Variants in NOP14 observed in about 807,000 individuals in gnomAD.
NOP14 encodes the protein nucleolar protein 14.
In NOP14, 57 loss-of-function variants were observed where a neutral mutation model predicts 101.6. That is an observed-to-expected ratio of 0.56 (90% CI 0.45 to 0.70). The LOEUF is 0.70. NOP14 is among the 30% of genes least tolerant of loss of function. The pLI is 0.00. For missense variants in NOP14, 1,134 were observed against 1,075.5 expected (o/e 1.05, Z -0.76); for synonymous variants, 428 against 424.0 (o/e 1.01, Z -0.12).
chr4:2,950,242 T>C (rs1387562701), intron 7 of NOP14, 29 bp from the exon 8 acceptor site: 2 of 1,609,860 alleles, frequency 1.2e-6, no homozygotes, highest in African/African-American at 1.3e-5. Flanking sequence ...CCACAGGGCA[T>C]GAGGACAGGC....
chr4:2,950,831 G>C lies in NOP14; in HGVS notation c.1002+283C>G. The C allele has an allele frequency of 9.6e-6, 3 of 312,012 alleles. No homozygotes were observed. In the South Asian group the frequency reaches 1.6e-4, roughly 16 times the overall value. The allele number at this position is 312,012 out of a possible 1,614,324, so 19.3% of individuals were successfully genotyped here. ...AATCATACAGTTATTAACAAAAGTA[G>C]TTGATGTTAACCGAGTAATCAGTTT... On this transcript the variant is annotated intron_variant, in intron 7 of 17. Transcript: ENST00000416614.
At chr4:2,946,385 G>T in intron 11 of NOP14, 27 bp downstream of exon 11, 1 of 1,612,634 alleles carries the variant, frequency 6.2e-7, no homozygotes. Context: ...TGTGGCAGGG[G>T]CAGTGCCTAG....
chr4:2,953,630 G>C lies in NOP14; in HGVS notation c.628C>G (p.Gln210Glu). Reference sequence around the variant, plus strand: ...GTGAGCTCGAGGGCATCTTCTCGTTGAGCTTGTCTCTCCCTCTGGGGAAAA... The same window carrying C: ...GTGAGCTCGAGGGCATCTTCTCGTTCAGCTTGTCTCTCCCTCTGGGGAAAA... ...SKQEKRERQAQREDALELTEK... is the reference protein window; with the variant it reads ...SKQEKRERQAEREDALELTEK... The change falls in exon 5 of 18, where the codon CAA becomes GAA. Residue 210 changes from glutamine (Q) to glutamate (E), a missense_variant. By Grantham distance (29) the Gln-to-Glu change is conservative. Coordinates refer to ENST00000416614, the MANE Select transcript of NOP14 (RefSeq NM_001291978.2). 6.2e-7 allele frequency: 1 copy of C among 1,614,146 alleles called. No individual in the cohort carries two copies. Among genetic ancestry groups the C allele is most frequent in the Non-Finnish European group, 8.5e-7 (1 of 1,180,044 alleles).
Position 2,943,296 on chromosome 4 carries a change from C to G in NOP14, c.1891+777G>C, listed in dbSNP as rs192032702. On this transcript the variant is annotated intron_variant, in intron 13 of 17. Transcript: ENST00000416614. ...TCCTCAGGTCAGTCCCCTGGACATG[C>G]AGGCGCTTAGCACTGCACGGTGAGC... is the stretch of plus-strand genomic sequence containing the variant. 3.9e-5 allele frequency among the ~76,000 whole-genome samples: 6 copies of G among 152,342 alleles called. No individual in the cohort carries two copies. In the South Asian group the frequency reaches 1.2e-3, roughly 32 times the overall value.
intron 5 of NOP14, 70 bp downstream of exon 5, chr4:2,953,441 C>T (rs1715154701): frequency 6.4e-7 from 1 of 1,564,102 alleles, no homozygotes. Context: ...CAGCCCCAGC[C>T]CTTTCTCTGG....
At position 2,953,617 on chromosome 4, in the gene NOP14, G is replaced by A. The variant is rs1192686983; in HGVS notation, c.641C>T (p.Ala214Val). The A allele has an allele frequency of 6.2e-7, 1 of 1,614,012 alleles. No homozygotes were observed. The highest frequency in any genetic ancestry group is 2.2e-5 in the East Asian group (1 of 44,896). The change falls in exon 5 of 18, where the codon GCC (alanine) becomes GTC (valine). Residue 214 changes from alanine (A) to valine (V), a missense_variant. Coordinates refer to ENST00000416614, the MANE Select transcript of NOP14 (RefSeq NM_001291978.2). ...GTCTAGCTTCTCCGTGAGCTCGAGG[G>A]CATCTTCTCGTTGAGCTTGTCTCTC... Reference protein sequence around the residue: ...KRERQAQREDALELTEKLDQD... With the variant: ...KRERQAQREDVLELTEKLDQD...
rs776316844 is a variant in NOP14 at position 2,957,655 on chromosome 4, T to G, written c.281A>C (p.Asn94Thr). Residue 94 changes from asparagine to threonine, a missense_variant, in exon 2 of 18, where the codon AAC (asparagine) becomes ACC (threonine). Asn to Thr is a moderately conservative substitution (Grantham distance 65). Transcript: ENST00000416614. Reference protein sequence around the residue: ...RDKRFGEYNSNMSPEEKMMKR... With the variant: ...RDKRFGEYNSTMSPEEKMMKR... ...CATCATCTTCTCCTCGGGGCTCATG[T>G]TGCTGTTGTATTCTCCGAAGCGTTT... 2.5e-6 allele frequency: 4 copies of G among 1,614,220 alleles called. No homozygotes were observed. The highest frequency in any genetic ancestry group is 3.4e-6 in the Non-Finnish European group (4 of 1,180,032).
Position 2,963,234 on chromosome 4 carries a change from G to A in NOP14, c.86C>T (p.Ser29Phe). The A allele has an allele frequency of 6.3e-7, 1 of 1,587,380 alleles. No homozygotes were observed. The highest frequency in any genetic ancestry group is 2.4e-5 in the East Asian group (1 of 40,990). The change falls in exon 1 of 18, where the codon TCC becomes TTC. Residue 29 changes from serine (S) to phenylalanine (F), a missense_variant. Coordinates refer to ENST00000416614, the MANE Select transcript of NOP14 (RefSeq NM_001291978.2). ...GTTAACTTTCACCTCGAACGGATTG[G>A]AGTTGGCCTTCGCCGGGCCCCCTCG... ...GARGGPAKAN[S>F]NPFEVKVNRQ...
chr4:2,946,537 G>T lies in NOP14; in HGVS notation c.1510C>A (p.His504Asn). 5 of 1,614,122 alleles carry T rather than the reference G, an allele frequency of 3.1e-6. No homozygotes were observed. The highest frequency in any genetic ancestry group is 4.2e-6 in the Non-Finnish European group (5 of 1,179,956). Residue 504 changes from histidine to asparagine, a missense_variant, in exon 11 of 18, where the codon CAT becomes AAT. Transcript: ENST00000416614. ...GATTCAGGAAACATCTGGCAAAGAT[G>T]ATATAAGTGCCTGTTAAGCAGAAAT... ...VIDKLVVHLYHLCQMFPESAS... is the reference protein window; with the variant it reads ...VIDKLVVHLYNLCQMFPESAS...
chr4:2,951,392 TTTCAA>T (rs1378295065), intron 6 of NOP14, 147 bp from the exon 7 acceptor site: 1 of 635,008 alleles, frequency 1.6e-6, no homozygotes, highest in African/African-American at 1.8e-5. Context: ...TGCCTGCAGT[TTTCAA>T]TCAGGCATGC....
At chr4:2,943,669 C>T (rs968654501) in intron 13 of NOP14, among the ~76,000 whole-genome samples, 1 of 152,198 alleles carries the variant, frequency 6.6e-6, no homozygotes, top group African/African-American at 2.4e-5. Context: ...CTTGTCGTCA[C>T]GTGAGAAAAA....
intron 8 of NOP14, among the ~76,000 whole-genome samples, chr4:2,948,660 G>A (rs1343505509): frequency 6.6e-6 from 1 of 152,098 alleles, no homozygotes; most frequent in Admixed American, 6.5e-5. Context: ...TCACCGTGTT[G>A]GCCAGGCTGG....
intron 3 of NOP14, among the ~76,000 whole-genome samples, chr4:2,955,373 G>A (rs1420280071): frequency 9.5e-5 from 8 of 84,622 alleles, no homozygotes; most frequent in Admixed American, 5.5e-4. Context: ...CCTGGACCAC[G>A]GCGCCCCCTC....
At position 2,938,704 on chromosome 4, in the gene NOP14, TC is replaced by T. The variant is rs1465364335; in HGVS notation, c.*126del. The stretch of plus-strand genomic sequence containing the variant: ...TGTTTTTTTGGTAGAGACGGGGTCT[TC>T]CTGTGTTGCCCAGGCTGGTCTCGAA... On this transcript the variant is annotated 3_prime_UTR_variant, in exon 18 of 18. Coordinates refer to ENST00000416614, the MANE Select transcript of NOP14 (RefSeq NM_001291978.2). The T allele has an allele frequency of 1.1e-5, 8 of 704,734 alleles. No individual in the cohort carries two copies. The highest frequency in any genetic ancestry group is 1.8e-5 in the African/African-American group (1 of 55,410). 43.7% of individuals were successfully genotyped at this position (704,734 alleles called of 1,614,324 possible).
In NOP14 at chr4:2,957,676, C is replaced by T; in HGVS notation, c.260G>A (p.Arg87His). Residue 87 changes from arginine (R) to histidine (H), a missense_variant, in exon 2 of 18, where the codon CGC (arginine) becomes CAC (histidine). Coordinates refer to ENST00000416614, the MANE Select transcript of NOP14 (RefSeq NM_001291978.2). ...RDKSNVFRDK[R>H]FGEYNSNMSP... ...CATGTTGCTGTTGTATTCTCCGAAG[C>T]GTTTATCTCTGAATACATTGGATTT... The T allele has an allele frequency of 6.2e-7, 1 of 1,614,032 alleles. No homozygotes were observed.
At chr4:2,951,081 G>A (rs754205676) in intron 7 of NOP14, 33 bp downstream of exon 7, 1 of 1,551,056 alleles carries the variant, frequency 6.4e-7, no homozygotes, top group Non-Finnish European at 8.7e-7. Context: ...TAAAAAAAGA[G>A]AGAGAAAGAG....
In NOP14 at chr4:2,947,513, C is replaced by T; in HGVS notation, c.1499+13G>A. The T allele has an allele frequency of 1.9e-6, 3 of 1,592,962 alleles. No individual in the cohort carries two copies. Among genetic ancestry groups the T allele is most frequent in the Admixed American group, 1.7e-5 (1 of 59,980 alleles). Reference sequence around the variant, plus strand: ...TAACCCCACATCCCAGATGACACACCATTTTTACTTACACAACCAACTTAT... The same window carrying T: ...TAACCCCACATCCCAGATGACACACTATTTTTACTTACACAACCAACTTAT... On this transcript the variant is annotated intron_variant, in intron 10 of 17. Transcript: ENST00000416614.
chr4:2,949,489 G>A (rs2109304152), intron 8 of NOP14, among the ~76,000 whole-genome samples: 1 of 152,296 alleles, frequency 6.6e-6, no homozygotes, highest in African/African-American at 2.4e-5. Flanking sequence ...ATAGGCATCA[G>A]CCACGCACCT....
intron 9 of NOP14, 45 bp downstream of exon 9, chr4:2,948,233 C>T (rs1259131979): frequency 6.4e-7 from 1 of 1,552,720 alleles, no homozygotes; most frequent in African/African-American, 1.4e-5. Context: ...ATATACGGGG[C>T]TATGCTGACA....
Sources: gnomAD v4.1 joint callset for allele counts (sites outside exome capture counted in the v4.1 genomes callset) on GRCh38, gnomAD v4.1.1 for gene constraint, MANE v1.5 for transcripts, NCBI Gene and HGNC (gene_info 2026-07-23, HGNC 2026-07-21) for gene names.